The following ACACB variants were observed in gnomAD, a reference collection of about 807,000 sequenced individuals.
ACACB encodes acetyl-CoA carboxylase 2.
A neutral mutation model predicts 278.8 loss-of-function variants in ACACB; 209 were observed. That is an observed-to-expected ratio of 0.75 (90% CI 0.67 to 0.84). The LOEUF (loss-of-function observed/expected upper bound fraction) is 0.84. ACACB is among the 40% of genes least tolerant of loss of function. The pLI is 0.00. For synonymous variants in ACACB, 1,174 were observed against 1,285.6 expected (o/e 0.91, Z 1.86); for missense variants, 2,850 against 3,269.0 (o/e 0.87, Z 3.13).
intron 28 of ACACB, among the ~76,000 whole-genome samples, chr12:109,228,873 C>T (rs185664365): frequency 4.5e-4 from 68 of 152,156 alleles, no homozygotes; most frequent in South Asian, 4.2e-3. Context: ...TAAGTGATCC[C>T]GGAGATGATC....
At chr12:109,231,827 C>A (rs1032579987) in intron 28 of ACACB, among the ~76,000 whole-genome samples, 1 of 152,156 alleles carries the variant, frequency 6.6e-6, no homozygotes, top group African/African-American at 2.4e-5. Context: ...CTTCCAGCCC[C>A]GCACCAGGGA....
At chr12:109,161,636 T>C (rs1233698505) in intron 2 of ACACB, among the ~76,000 whole-genome samples, 1 of 152,082 alleles carries the variant, frequency 6.6e-6, no homozygotes, top group Non-Finnish European at 1.5e-5. Flanking sequence ...GTAGCAAAGA[T>C]ATGGAATCAA....
intron 24 of ACACB, among the ~76,000 whole-genome samples, chr12:109,219,128 C>G (rs914064019): frequency 6.6e-6 from 1 of 152,082 alleles, no homozygotes; most frequent in African/African-American, 2.4e-5. Context: ...GGACGTCCAC[C>G]CCCTATTGCC....
intron 24 of ACACB, among the ~76,000 whole-genome samples, chr12:109,217,420 T>G (rs1334931489): frequency 6.6e-6 from 1 of 152,188 alleles, no homozygotes; most frequent in Admixed American, 6.6e-5. Flanking sequence ...CCATAAAACT[T>G]TGTTGGGAGC....
At chr12:109,141,820 C>A (rs989176734) in intron 2 of ACACB, among the ~76,000 whole-genome samples, 1 of 152,178 alleles carries the variant, frequency 6.6e-6, no homozygotes, top group Non-Finnish European at 1.5e-5. Flanking sequence ...GAATCTAGTA[C>A]AAAGAGCACA....
At chr12:109,187,528 A>G (rs948897486) in intron 12 of ACACB, among the ~76,000 whole-genome samples, 2 of 151,694 alleles carry the variant, frequency 1.3e-5, no homozygotes, top group Non-Finnish European at 2.9e-5. Flanking sequence ...TGGCGTAGTC[A>G]TGCCTCACTG....
rs185699454 is a variant in ACACB at position 109,131,924 on chromosome 12, G to A, written c.-9-7473G>A. 1.7e-3 allele frequency among the ~76,000 whole-genome samples: 259 copies of A among 152,198 alleles called. 2 individuals carry two copies. The highest frequency in any genetic ancestry group is 6.8e-3 in the Middle Eastern group (2 of 294). On this transcript the variant is annotated intron_variant, in intron 1 of 52. Coordinates refer to ENST00000338432, the MANE Select transcript of ACACB (RefSeq NM_001093.4). ...CCCCCCCACGCCACCGTCTGGCACC[G>A]TTAGTTTGCATGTCGATCTGCGGCT... is the stretch of plus-strand genomic sequence containing the variant.
intron 48 of ACACB, among the ~76,000 whole-genome samples, chr12:109,261,566 G>A (rs568172244): frequency 6.6e-6 from 1 of 152,174 alleles, no homozygotes; most frequent in African/African-American, 2.4e-5. Flanking sequence ...AGAATAAGGG[G>A]TAAATAAAAA....
intron 28 of ACACB, 113 bp from the exon 29 acceptor site, chr12:109,232,556 T>G: frequency 6.0e-6 from 8 of 1,341,954 alleles, no homozygotes; most frequent in Non-Finnish European, 7.1e-6. Context: ...TAAGCCCCCA[T>G]TTGGAAGAGC....
In ACACB at chr12:109,210,341, GCA is replaced by G. The variant is rs1174012373; in HGVS notation, c.3249+995_3249+996del. 6.7e-4 allele frequency among the ~76,000 whole-genome samples: 9 copies of G among 13,346 alleles called. 1 individual carries two copies. The highest frequency in any genetic ancestry group is 5.0e-3 in the East Asian group (1 of 202). The allele number at this position is 13,346 out of a possible 152,430, so 8.8% of individuals were successfully genotyped here. A position where few individuals can be genotyped will look rare whatever the true frequency, so the allele number is the denominator to read the frequency against. ...TATCTGTGTATATATGTATATACAC[GCA>G]CACACATATCTGTGTATATATGTAT... On this transcript the variant is annotated intron_variant, in intron 21 of 52. Transcript: ENST00000338432.
chr12:109,175,715 GGC>G (rs1345584297), intron 7 of ACACB, among the ~76,000 whole-genome samples: 2 of 152,184 alleles, frequency 1.3e-5, no homozygotes, highest in Non-Finnish European at 2.9e-5. Flanking sequence ...CACCACGCCT[GGC>G]AGTTAGTTTC....
chr12:109,243,327 A>C (rs894580278), intron 37 of ACACB, among the ~76,000 whole-genome samples: 1 of 152,112 alleles, frequency 6.6e-6, no homozygotes, highest in Admixed American at 6.5e-5. Context: ...GGTTGGGCAC[A>C]GTGGCTCACG....
At chr12:109,222,025 C>T (rs924425610) in intron 24 of ACACB, among the ~76,000 whole-genome samples, 1 of 151,612 alleles carries the variant, frequency 6.6e-6, no homozygotes, top group Non-Finnish European at 1.5e-5. Context: ...GTAGCTGGGA[C>T]TACAGGCATG....
intron 27 of ACACB, among the ~76,000 whole-genome samples, chr12:109,224,719 A>G (rs1833132480): frequency 6.6e-6 from 1 of 151,886 alleles, no homozygotes; most frequent in Admixed American, 6.6e-5. Flanking sequence ...GTTAGTAGAG[A>G]CAGGGTTTCA....
chr12:109,113,571 G>A (rs2042348789), upstream of ACACB, among the ~76,000 whole-genome samples: 1 of 152,240 alleles, frequency 6.6e-6, no homozygotes, highest in African/African-American at 2.4e-5. Flanking sequence ...GAAGGTCAGG[G>A]ACTATAAATT....
At chr12:109,239,061 C>A (rs1345263446) in intron 34 of ACACB, among the ~76,000 whole-genome samples, 1 of 151,972 alleles carries the variant, frequency 6.6e-6, no homozygotes, top group Non-Finnish European at 1.5e-5. Context: ...GGATTATAGG[C>A]GCCCACCACC....
At chr12:109,129,037 T>C (rs558413219) in intron 1 of ACACB, among the ~76,000 whole-genome samples, 2 of 151,628 alleles carry the variant, frequency 1.3e-5, no homozygotes, top group South Asian at 2.1e-4. Context: ...CCCAACACTT[T>C]GGGAGGCCAA....
chr12:109,229,684 C>A (rs1462176013), intron 28 of ACACB, among the ~76,000 whole-genome samples: 4 of 152,128 alleles, frequency 2.6e-5, no homozygotes, highest in African/African-American at 9.7e-5. Flanking sequence ...CATGCACCAC[C>A]AAGCCCCACT....
chr12:109,162,679 C>T (rs1048631161), intron 2 of ACACB, among the ~76,000 whole-genome samples: 33 of 152,116 alleles, frequency 2.2e-4, no homozygotes, highest in Non-Finnish European at 3.7e-4. Context: ...CTTCCCCGTT[C>T]CCCCCGGGGC....
Sources: gnomAD v4.1 joint callset for allele counts (sites outside exome capture counted in the v4.1 genomes callset) on GRCh38, gnomAD v4.1.1 for gene constraint, MANE v1.5 for transcripts, NCBI Gene and HGNC (gene_info 2026-07-23, HGNC 2026-07-21) for gene names.